The following SPIDR variants were observed in gnomAD, a reference collection of about 807,000 sequenced individuals.
The protein encoded by SPIDR is DNA repair-scaffolding protein.
A neutral mutation model predicts 104.6 loss-of-function variants in SPIDR; 93 were observed. The observed-to-expected ratio is 0.89, with a 90% CI of 0.75 to 1.06. The LOEUF (loss-of-function observed/expected upper bound fraction) is 1.06. Ranked by LOEUF, SPIDR falls within the 50% of genes least tolerant of loss-of-function variation. The probability of loss-of-function intolerance (pLI) is 0.00; values close to 1 mark genes in which losing one functional copy is unlikely to be tolerated. For missense variants in SPIDR, 1,154 were observed against 1,111.2 expected, an observed-to-expected ratio of 1.04 and a Z score of -0.55; for synonymous variants, 431 against 416.9, an observed-to-expected ratio of 1.03 and a Z score of -0.41.
chr8:47,611,495 G>A (rs1388068120), intron 10 of SPIDR, among the ~76,000 whole-genome samples: 6 of 152,028 alleles, frequency 3.9e-5, no homozygotes, highest in Non-Finnish European at 7.4e-5. Flanking sequence ...TCAGGAGATC[G>A]AGACCATCCT....
intron 8 of SPIDR, among the ~76,000 whole-genome samples, chr8:47,573,417 G>T (rs1221584530): frequency 6.6e-6 from 1 of 152,240 alleles, no homozygotes; most frequent in Non-Finnish European, 1.5e-5. Context: ...AGGCAGGAAG[G>T]TCAGAGTATA....
chr8:47,415,796 A>G (rs910667186), intron 7 of SPIDR, among the ~76,000 whole-genome samples: 1 of 152,176 alleles, frequency 6.6e-6, no homozygotes, highest in Non-Finnish European at 1.5e-5. Context: ...AACAGCCAAG[A>G]TGGACTAAGA....
At chr8:47,304,967 C>T (rs1004163261) in intron 5 of SPIDR, among the ~76,000 whole-genome samples, 5 of 152,216 alleles carry the variant, frequency 3.3e-5, no homozygotes, top group South Asian at 2.1e-4. Flanking sequence ...CCTCACTTGT[C>T]GTTCTGCTTT....
At chr8:47,710,953 T>G (rs1353636322) in intron 14 of SPIDR, among the ~76,000 whole-genome samples, 1 of 151,562 alleles carries the variant, frequency 6.6e-6, no homozygotes, top group Non-Finnish European at 1.5e-5. Context: ...CTTTATTTTA[T>G]TTTTTGTAGA....
intron 8 of SPIDR, among the ~76,000 whole-genome samples, chr8:47,542,873 A>G (rs1052815070): frequency 6.6e-6 from 1 of 152,140 alleles, no homozygotes; most frequent in Non-Finnish European, 1.5e-5. Context: ...ACCCCTAGCA[A>G]TTGCTAGTCT....
chr8:47,308,434 T>C (rs2043508165), intron 5 of SPIDR, among the ~76,000 whole-genome samples: 1 of 151,408 alleles, frequency 6.6e-6, no homozygotes. Context: ...TGTCTGTATG[T>C]GAAGGATCAG....
chr8:47,274,768 T>C (rs1586167038), intron 1 of SPIDR, among the ~76,000 whole-genome samples: 1 of 150,620 alleles, frequency 6.6e-6, no homozygotes. Context: ...TAGAGACGGG[T>C]TTTCACCAGA....
At chr8:47,543,407 T>G (rs566150725) in intron 8 of SPIDR, among the ~76,000 whole-genome samples, 3 of 152,190 alleles carry the variant, frequency 2.0e-5, no homozygotes, top group Non-Finnish European at 4.4e-5. Context: ...ATTTCCCTAA[T>G]GCTTGTCAAC....
rs1322295891 is a variant in SPIDR at position 47,294,262 on chromosome 8, C to T, written c.525+232C>T. 73 of 435,762 alleles carry T rather than the reference C, an allele frequency of 1.7e-4. No individual in the cohort carries two copies. The East Asian group carries it at 2.3e-3, about 14-fold the overall frequency. 27.0% of individuals were successfully genotyped at this position (435,762 alleles called of 1,614,324 possible). On this transcript the variant is annotated intron_variant, in intron 5 of 19. Transcript: ENST00000297423. ...TCTCTTTCACTTCCCACCCTCACTG[C>T]ACACCGAATGTTTTTTATCCTGCTA...
intron 10 of SPIDR, among the ~76,000 whole-genome samples, chr8:47,630,186 A>G (rs946767880): frequency 2.0e-5 from 3 of 152,242 alleles, no homozygotes; most frequent in Non-Finnish European, 4.4e-5. Context: ...ACCAAGATAA[A>G]GTAAAAATTA....
chr8:47,624,056 CA>C (rs1228269625), intron 10 of SPIDR, among the ~76,000 whole-genome samples: 2 of 152,328 alleles, frequency 1.3e-5, no homozygotes, highest in South Asian at 4.1e-4. Context: ...ACAGTGCAAT[CA>C]AACTAGAACT....
chr8:47,346,839 ATTC>A (rs1778249492), intron 5 of SPIDR, among the ~76,000 whole-genome samples: 1 of 150,174 alleles, frequency 6.7e-6, no homozygotes, highest in African/African-American at 2.5e-5. Context: ...CATCTATTTG[ATTC>A]TTCTCTCTTT....
chr8:47,624,281 G>T (rs901603889), intron 10 of SPIDR, among the ~76,000 whole-genome samples: 15 of 152,198 alleles, frequency 9.9e-5, no homozygotes, highest in Admixed American at 9.8e-4. Context: ...ACAACACAAA[G>T]CAGGAAAGAT....
rs1481418563 is a variant in SPIDR, at chr8:47,614,179, A to G, written c.1544+14983A>G. On this transcript the variant is annotated intron_variant, in intron 10 of 19. Transcript: ENST00000297423. ...GATAACGGCTCCCAGCTCCATATCC[A>G]CGTCCCTGCAAAGGACATGATCTCG... 2.0e-5 allele frequency among the ~76,000 whole-genome samples: 3 copies of G among 151,182 alleles called. No homozygotes were observed. In the East Asian group the frequency reaches 5.8e-4, roughly 29 times the overall value.
At chr8:47,297,523 T>C (rs2041097261) in intron 5 of SPIDR, among the ~76,000 whole-genome samples, 1 of 152,130 alleles carries the variant, frequency 6.6e-6, no homozygotes, top group Non-Finnish European at 1.5e-5. Flanking sequence ...TTGTTACATA[T>C]GTATACATGT....
intron 5 of SPIDR, among the ~76,000 whole-genome samples, chr8:47,339,374 G>A (rs1205875501): frequency 6.6e-6 from 1 of 151,750 alleles, no homozygotes; most frequent in African/African-American, 2.4e-5. Context: ...AATTCCCCAT[G>A]TGTGTGTGAT....
At chr8:47,544,249 C>T (rs1265699027) in intron 8 of SPIDR, among the ~76,000 whole-genome samples, 1 of 151,898 alleles carries the variant, frequency 6.6e-6, no homozygotes. Flanking sequence ...GGATTGTTTG[C>T]TATTTTATTG....
intron 10 of SPIDR, chr8:47,667,648 T>C (rs561141294): frequency 6.6e-6 from 1 of 152,038 alleles, no homozygotes; most frequent in South Asian, 2.1e-4. Flanking sequence ...ATTAATGACA[T>C]AAACAGTGAC....
At chr8:47,637,289 G>A (rs1260512522) in intron 10 of SPIDR, among the ~76,000 whole-genome samples, 1 of 152,144 alleles carries the variant, frequency 6.6e-6, no homozygotes, top group Non-Finnish European at 1.5e-5. Context: ...CCTTAACTGT[G>A]CCCAATGCGG....
Sources: allele counts gnomAD v4.1 joint callset (sites outside exome capture counted in the v4.1 genomes callset), GRCh38; gene constraint gnomAD v4.1.1; transcripts MANE v1.5; gene names NCBI Gene and HGNC (gene_info 2026-07-23, HGNC 2026-07-21).